CCDC171: variants seen among roughly 807,000 people sequenced by gnomAD.
CCDC171 encodes coiled-coil domain containing 171.
In CCDC171, 177 loss-of-function variants were observed where a neutral mutation model predicts 168.2. That is an observed-to-expected ratio of 1.05 (90% CI 0.93 to 1.19). CCDC171 has a LOEUF of 1.19. Ranked by LOEUF, CCDC171 falls within the 50% of genes most tolerant of loss-of-function variation. CCDC171 has a pLI of 0.00. For missense variants in CCDC171, 1,991 were observed against 1,539.0 expected (o/e 1.29, Z -4.91); for synonymous variants, 687 against 540.8 (o/e 1.27, Z -3.75).
At chr9:15,865,853 T>C (rs36144889) in intron 23 of CCDC171, among the ~76,000 whole-genome samples, 2 of 12,754 alleles carry the variant, frequency 1.6e-4, no homozygotes, top group Non-Finnish European at 5.9e-4. Flanking sequence ...TGCGTGCGTG[T>C]GTGTGTGTGT....
intron 8 of CCDC171, among the ~76,000 whole-genome samples, chr9:15,661,866 G>T (rs1279552626): frequency 6.6e-6 from 1 of 152,144 alleles, no homozygotes; most frequent in Non-Finnish European, 1.5e-5. Flanking sequence ...TTACTGTTTG[G>T]CTTACAAACA....
intron 11 of CCDC171, among the ~76,000 whole-genome samples, chr9:15,708,930 C>T (rs2052448514): frequency 6.6e-6 from 1 of 152,000 alleles, no homozygotes; most frequent in Non-Finnish European, 1.5e-5. Context: ...AGTCTTTTTT[C>T]AAACTTTCTA....
intron 1 of CCDC171, among the ~76,000 whole-genome samples, chr9:16,054,320 T>A (rs1012046861): frequency 6.6e-6 from 1 of 152,216 alleles, no homozygotes; most frequent in East Asian, 1.9e-4. Context: ...ACAGAGGCTG[T>A]CATTCGGGTG....
Position 15,680,408 on chromosome 9 carries a change from G to A in CCDC171, c.1215+1512G>A, listed in dbSNP as rs575230796. On this transcript the variant is annotated intron_variant, in intron 10 of 25. Coordinates refer to ENST00000380701, the MANE Select transcript of CCDC171 (RefSeq NM_173550.4). ...AAGTTTTAGTGATTTAGTTATTGAG[G>A]ACAATGGATATTATTTTCCTCAAAA... 3.3e-5 allele frequency among the ~76,000 whole-genome samples: 5 copies of A among 152,162 alleles called. No homozygotes were observed. The South Asian group carries it at 1.0e-3, about 32-fold the overall frequency.
intron 4 of CCDC171, among the ~76,000 whole-genome samples, chr9:15,584,424 C>T (rs1258703373): frequency 6.6e-6 from 1 of 152,086 alleles, no homozygotes; most frequent in Non-Finnish European, 1.5e-5. Flanking sequence ...CAGGGAAAAC[C>T]GTATTTTTGT....
At chr9:15,588,423 G>A in intron 4 of CCDC171, 1 of 284,032 alleles carries the variant, frequency 3.5e-6, no homozygotes, top group Non-Finnish European at 7.3e-6. Flanking sequence ...GATCTGCAAG[G>A]TTGTCTGCTA....
At chr9:16,092,113 C>T in the CCDC171 span, among the ~76,000 whole-genome samples, 1 of 152,220 alleles carries the variant, frequency 6.6e-6, no homozygotes, top group African/African-American at 2.4e-5. Flanking sequence ...AGTCTTGACA[C>T]AACTTGGAAA....
chr9:15,587,493 G>C (rs892967084), intron 4 of CCDC171: 2 of 368,218 alleles, frequency 5.4e-6, no homozygotes, highest in Non-Finnish European at 5.4e-6. Flanking sequence ...ATGTGAAACT[G>C]TAAGTCCAAT....
chr9:15,718,958 G>T (rs1245947454), intron 11 of CCDC171, among the ~76,000 whole-genome samples: 1 of 152,110 alleles, frequency 6.6e-6, no homozygotes, highest in East Asian at 1.9e-4. Flanking sequence ...AACCATCCCA[G>T]AAAACATGAC....
intron 24 of CCDC171, among the ~76,000 whole-genome samples, chr9:15,912,823 T>C (rs1823904982): frequency 6.6e-6 from 1 of 152,206 alleles, no homozygotes. Context: ...TGGTTTTGTT[T>C]ATGTGATGGA....
chr9:15,768,403 GC>G (rs2056847111), intron 18 of CCDC171, among the ~76,000 whole-genome samples: 1 of 151,984 alleles, frequency 6.6e-6, no homozygotes, highest in Admixed American at 6.5e-5. Context: ...TTTTATCCCA[GC>G]CCCATTGCTG....
chr9:16,040,661 G>C (rs1833557906), upstream of CCDC171, among the ~76,000 whole-genome samples: 1 of 152,212 alleles, frequency 6.6e-6, no homozygotes, highest in Admixed American at 6.5e-5. Context: ...TGTTTTACAA[G>C]AGCAGCTATA....
intron 7 of CCDC171, among the ~76,000 whole-genome samples, chr9:15,656,137 G>A (rs2047908850): frequency 6.6e-6 from 1 of 152,080 alleles, no homozygotes; most frequent in Non-Finnish European, 1.5e-5. Flanking sequence ...GGCTAGCACG[G>A]TGAAATCCCG....
At chr9:15,702,466 G>C (rs2051834912) in intron 11 of CCDC171, among the ~76,000 whole-genome samples, 1 of 151,994 alleles carries the variant, frequency 6.6e-6, no homozygotes, top group African/African-American at 2.4e-5. Context: ...CATAGGCAGA[G>C]TAGATAAAGC....
At chr9:16,053,376 G>C (rs944456922) in intron 1 of CCDC171, among the ~76,000 whole-genome samples, 7 of 152,222 alleles carry the variant, frequency 4.6e-5, no homozygotes, top group African/African-American at 1.7e-4. Context: ...TTTGGTGTGG[G>C]AGGGTGTCAT....
At chr9:15,602,647 C>CTTTTTTTTT (rs1161286304) in intron 6 of CCDC171, among the ~76,000 whole-genome samples, 29 of 30,486 alleles carry the variant, frequency 9.5e-4, no homozygotes, top group South Asian at 1.5e-3. Context: ...TTTTTTTTTT[C>CTTTTTTTTT]TTTTTTTTTT....
intron 21 of CCDC171, among the ~76,000 whole-genome samples, chr9:15,804,126 T>A (rs2058961832): frequency 6.6e-6 from 1 of 152,194 alleles, no homozygotes; most frequent in Non-Finnish European, 1.5e-5. Context: ...TGAGAAGCTT[T>A]TGGGCTGTGA....
chr9:15,721,663 A>G (rs757377656), intron 11 of CCDC171, 106 bp from the exon 12 acceptor site: 37 of 453,790 alleles, frequency 8.2e-5, no homozygotes, highest in Non-Finnish European at 1.4e-4. Flanking sequence ...ATAGTTTCAT[A>G]ACGTCTTTTC....
At chr9:15,975,094 C>T (rs558063090), downstream of CCDC171, among the ~76,000 whole-genome samples, 43 of 152,188 alleles carry the variant, frequency 2.8e-4, no homozygotes, top group South Asian at 6.2e-4. Flanking sequence ...GACAAGTTTT[C>T]TAATATAAAA....
Sources: allele counts gnomAD v4.1 joint callset (sites outside exome capture counted in the v4.1 genomes callset), GRCh38; gene constraint gnomAD v4.1.1; transcripts MANE v1.5; gene names NCBI Gene and HGNC (gene_info 2026-07-23, HGNC 2026-07-21).